Variants in ENTPD4 observed in about 807,000 individuals in gnomAD.
The protein encoded by ENTPD4 is Golgi UDPase.
Under a neutral mutation model 79.1 loss-of-function variants are expected in ENTPD4, and 60 were observed. The observed-to-expected ratio is 0.76, with a 90% CI of 0.62 to 0.94. The LOEUF (loss-of-function observed/expected upper bound fraction) is 0.94. Ranked by LOEUF, ENTPD4 falls within the 40% of genes least tolerant of loss-of-function variation. ENTPD4 has a pLI of 0.00. For missense variants in ENTPD4, 772 were observed against 775.1 expected, an observed-to-expected ratio of 1.00 and a Z score of 0.05; for synonymous variants, 276 against 292.0, an observed-to-expected ratio of 0.95 and a Z score of 0.56.
intron 8 of ENTPD4, among the ~76,000 whole-genome samples, chr8:23,440,895 C>T (rs1004740495): frequency 2.6e-5 from 4 of 152,232 alleles, no homozygotes; most frequent in Non-Finnish European, 4.4e-5. Flanking sequence ...TCTAGCTCCA[C>T]GGTCTCACTT....
intron 4 of ENTPD4, among the ~76,000 whole-genome samples, 172 bp downstream of exon 4, chr8:23,447,508 C>T (rs1375822338): frequency 1.3e-5 from 2 of 152,116 alleles, no homozygotes; most frequent in African/African-American, 4.8e-5. Flanking sequence ...GTGTTAGTCA[C>T]CCTTTGCAAA....
chr8:23,447,531 G>C, intron 4 of ENTPD4, 149 bp downstream of exon 4: 2 of 688,216 alleles, frequency 2.9e-6, no homozygotes, highest in Non-Finnish European at 5.2e-6. Flanking sequence ...GGACAGAAAA[G>C]GGAAAAGAAA....
chr8:23,441,827 C>A (rs566239157), intron 7 of ENTPD4, 104 bp from the exon 8 acceptor site: 16 of 1,349,948 alleles, frequency 1.2e-5, no homozygotes, highest in Admixed American at 2.0e-5. Flanking sequence ...CATATTCAGG[C>A]AAACCCAGTC....
intron 1 of ENTPD4, among the ~76,000 whole-genome samples, chr8:23,451,519 G>T (rs915839581): frequency 2.0e-5 from 3 of 152,096 alleles, no homozygotes; most frequent in Non-Finnish European, 2.9e-5. Context: ...CTTGGAAATT[G>T]ATAGCTCCAC....
At position 23,431,803 on chromosome 8, in the gene ENTPD4, C is replaced by T. The variant is rs77552170; in HGVS notation, c.*1123G>A. On this transcript the variant is annotated 3_prime_UTR_variant, in exon 13 of 13. Transcript: ENST00000358689. ...GCATGTGCTCTAGTTCCAATAAAACCGAAACTGGTGAAACTAGGAATTTCC... is the reference window on the plus strand; with the variant it reads ...GCATGTGCTCTAGTTCCAATAAAACTGAAACTGGTGAAACTAGGAATTTCC... 11 of 985,334 alleles carry T rather than the reference C, an allele frequency of 1.1e-5. No homozygotes were observed. In the East Asian group the frequency reaches 7.9e-4, roughly 71 times the overall value. The allele number at this position is 985,334 out of a possible 1,614,324, so 61.0% of individuals were successfully genotyped here. A position where few individuals can be genotyped will look rare whatever the true frequency, so the allele number is the denominator to read the frequency against.
intron 8 of ENTPD4, among the ~76,000 whole-genome samples, chr8:23,440,937 C>T (rs1800657306): frequency 6.6e-6 from 1 of 152,220 alleles, no homozygotes; most frequent in Non-Finnish European, 1.5e-5. Context: ...CGCTATGCTG[C>T]CGCCCACCTT....
At chr8:23,457,100 C>T (rs1256888038) in intron 1 of ENTPD4, among the ~76,000 whole-genome samples, 1 of 152,202 alleles carries the variant, frequency 6.6e-6, no homozygotes, top group African/African-American at 2.4e-5. Context: ...CCAATAAGCT[C>T]CATTTTTCCA....
At chr8:23,455,135 G>A (rs984022708) in intron 1 of ENTPD4, among the ~76,000 whole-genome samples, 4 of 152,228 alleles carry the variant, frequency 2.6e-5, no homozygotes, top group Non-Finnish European at 5.9e-5. Flanking sequence ...CTCACTGACA[G>A]TTCTACAGAT....
chr8:23,433,131 C>T lies in ENTPD4; in HGVS notation c.1646G>A (p.Arg549Gln), dbSNP rs771406410. ...PLRDIQQEAF[R>Q]ASHTHWRGVS... ...GCCCCGCCAGTGGGTGTGACTGGCTCGGAAGGCCTCCTGCTGGATGTCTCT... is the reference window on the plus strand; with the variant it reads ...GCCCCGCCAGTGGGTGTGACTGGCTTGGAAGGCCTCCTGCTGGATGTCTCT... The change falls in exon 13 of 13, where the codon CGA becomes CAA. Residue 549 changes from arginine to glutamine, a missense_variant. By Grantham distance (43) the Arg-to-Gln change is conservative. Transcript: ENST00000358689. 1.5e-5 allele frequency: 24 copies of T among 1,614,014 alleles called. No homozygotes were observed. Among genetic ancestry groups the T allele is most frequent in the Middle Eastern group, 1.6e-4 (1 of 6,084 alleles).
At position 23,429,538 on chromosome 8, in the gene ENTPD4, A is replaced by G; in HGVS notation, c.*3388T>C. On this transcript the variant is annotated 3_prime_UTR_variant, in exon 13 of 13. Coordinates refer to ENST00000358689, the MANE Select transcript of ENTPD4 (RefSeq NM_004901.5). ...GAATTCTAAAGCTGATTTTTTTCTT[A>G]AAGGATGAAAAACTCATTTGCCATT... The G allele has an allele frequency of 5.1e-6, 5 of 985,410 alleles. No homozygotes were observed. Among genetic ancestry groups the G allele is most frequent in the Non-Finnish European group, 6.0e-6 (5 of 829,900 alleles). The allele number at this position is 985,410 out of a possible 1,614,324, so 61.0% of individuals were successfully genotyped here.
rs902193427 is a variant in ENTPD4 at position 23,429,219 on chromosome 8, G to A, written c.*3707C>T. ...CAGTACCCAAGTGTGGCACTGTAAG[G>A]CTGCCACATACAGCAAGTGACATGA... On this transcript the variant is annotated 3_prime_UTR_variant, in exon 13 of 13. Coordinates refer to ENST00000358689, the MANE Select transcript of ENTPD4 (RefSeq NM_004901.5). 1.2e-4 allele frequency: 115 copies of A among 984,924 alleles called. No individual in the cohort carries two copies. The highest frequency in any genetic ancestry group is 1.4e-4 in the Non-Finnish European group (113 of 829,606). 61.0% of individuals were successfully genotyped at this position (984,924 alleles called of 1,614,324 possible).
At position 23,431,401 on chromosome 8, in the gene ENTPD4, T is replaced by TA. The variant is rs368477555; in HGVS notation, c.*1524dup. On this transcript the variant is annotated 3_prime_UTR_variant, in exon 13 of 13. Coordinates refer to ENST00000358689, the MANE Select transcript of ENTPD4 (RefSeq NM_004901.5). ...ACACTCGCACAAAACAAACTCCACCTAAAAAAACTGTACGAGAATTCCCCA... is the reference window on the plus strand; with the variant it reads ...ACACTCGCACAAAACAAACTCCACCTAAAAAAAACTGTACGAGAATTCCCCA... 3 of 985,148 alleles carry TA rather than the reference T, an allele frequency of 3.0e-6. No individual in the cohort carries two copies. The highest frequency in any genetic ancestry group is 9.4e-5 in the South Asian group (2 of 21,288). The allele number at this position is 985,148 out of a possible 1,614,324, so 61.0% of individuals were successfully genotyped here.
chr8:23,439,620 G>T (rs118161787), intron 9 of ENTPD4, 129 bp downstream of exon 9: 1 of 820,560 alleles, frequency 1.2e-6, no homozygotes, highest in Non-Finnish European at 2.0e-6. Context: ...CTCAGCTAGT[G>T]GGGGAATAAA....
chr8:23,432,739 C>A lies in ENTPD4; in HGVS notation c.*187G>T, dbSNP rs903690643. On this transcript the variant is annotated 3_prime_UTR_variant, in exon 13 of 13. Coordinates refer to ENST00000358689, the MANE Select transcript of ENTPD4 (RefSeq NM_004901.5). ...GGTCTCGATCTCCTGACCTCATGATCCGCCCGCCTCGGCCTCCCAAAGTGC... is the reference window on the plus strand; with the variant it reads ...GGTCTCGATCTCCTGACCTCATGATACGCCCGCCTCGGCCTCCCAAAGTGC... The A allele has an allele frequency of 2.7e-5, 35 of 1,294,336 alleles. No homozygotes were observed. Among genetic ancestry groups the A allele is most frequent in the Non-Finnish European group, 3.5e-5 (34 of 981,590 alleles). The allele number at this position is 1,294,336 out of a possible 1,614,324, so 80.2% of individuals were successfully genotyped here.
At chr8:23,442,119 TA>T in intron 6 of ENTPD4, 53 bp from the exon 7 acceptor site, 1 of 1,321,674 alleles carries the variant, frequency 7.6e-7, no homozygotes, top group South Asian at 1.2e-5. Flanking sequence ...ACATTTTGTG[TA>T]ACTCCTATCT....
At chr8:23,455,375 T>G (rs1486078636) in intron 1 of ENTPD4, among the ~76,000 whole-genome samples, 1 of 152,042 alleles carries the variant, frequency 6.6e-6, no homozygotes, top group Non-Finnish European at 1.5e-5. Context: ...CCTGGAAAAA[T>G]TAAAGATGCT....
rs1209278380 is a variant in ENTPD4, at chr8:23,431,442, T to A, written c.*1484A>T. The A allele has an allele frequency of 6.1e-6, 6 of 985,286 alleles. No homozygotes were observed. Among genetic ancestry groups the A allele is most frequent in the Non-Finnish European group, 7.2e-6 (6 of 829,924 alleles). The allele number at this position is 985,286 out of a possible 1,614,324, so 61.0% of individuals were successfully genotyped here. A position where few individuals can be genotyped will look rare whatever the true frequency, so the allele number is the denominator to read the frequency against. On this transcript the variant is annotated 3_prime_UTR_variant, in exon 13 of 13. Coordinates refer to ENST00000358689, the MANE Select transcript of ENTPD4 (RefSeq NM_004901.5). ...GAATTCCCCAAACTTCTCAACTAAA[T>A]AAATAGGTGAAAAAACACCAATCTC...
At position 23,439,906 on chromosome 8, in the gene ENTPD4, C is replaced by G. The variant is rs758270993; in HGVS notation, c.892G>C (p.Ala298Pro). The G allele has an allele frequency of 8.1e-6, 13 of 1,613,792 alleles. No individual in the cohort carries two copies. Among genetic ancestry groups the G allele is most frequent in the Admixed American group, 1.7e-5 (1 of 60,000 alleles). Residue 298 changes from alanine to proline, a missense_variant, in exon 9 of 13, where the codon GCT (alanine) becomes CCT (proline). Ala to Pro is a conservative substitution (Grantham distance 27). Transcript: ENST00000358689. ...SFASSQQEEV[A>P]KNLLAEFNLG... Reference sequence around the variant, plus strand: ...TTAAATTCAGCTAACAAGTTTTTAGCTACTTCTTCCTGCAGACATAAGCAT... The same window carrying G: ...TTAAATTCAGCTAACAAGTTTTTAGGTACTTCTTCCTGCAGACATAAGCAT...
rs1176537973 is a variant in ENTPD4 at position 23,447,819 on chromosome 8, G to A, written c.273C>T (p.Ile91=). The A allele has an allele frequency of 1.5e-5, 25 of 1,614,016 alleles. No homozygotes were observed. Among genetic ancestry groups the A allele is most frequent in the East Asian group, 2.2e-5 (1 of 44,896 alleles). ...DTNNPNVNYG[I]VVDCGSSGSR... is the part of the protein sequence containing the mutation. ...ACCCACTGCTACCACAGTCCACCACGATCCCATAGTTCACATTGGGGTTAT... is the reference window on the plus strand; with the variant it reads ...ACCCACTGCTACCACAGTCCACCACAATCCCATAGTTCACATTGGGGTTAT... Residue 91 remains isoleucine (I), a synonymous_variant, in exon 4 of 13, where the codon ATC becomes ATT. Coordinates refer to ENST00000358689, the MANE Select transcript of ENTPD4 (RefSeq NM_004901.5).
Sources: allele counts gnomAD v4.1 joint callset (sites outside exome capture counted in the v4.1 genomes callset), GRCh38; gene constraint gnomAD v4.1.1; transcripts MANE v1.5; gene names NCBI Gene and HGNC (gene_info 2026-07-23, HGNC 2026-07-21).